AVEN: variants seen among roughly 807,000 people sequenced by gnomAD.
AVEN encodes the protein apoptosis and caspase activation inhibitor.
Under a neutral mutation model 38.1 loss-of-function variants are expected in AVEN, and 41 were observed. The observed-to-expected ratio is 1.08, with a 90% CI of 0.84 to 1.40. AVEN has a LOEUF of 1.40. Ranked by LOEUF, AVEN falls within the 40% of genes most tolerant of loss-of-function variation. The probability of loss-of-function intolerance (pLI) is 0.00; values close to 1 mark genes in which losing one functional copy is unlikely to be tolerated. For synonymous variants in AVEN, 206 were observed against 171.8 expected (o/e 1.20, Z -1.56); for missense variants, 605 against 438.8 (o/e 1.38, Z -3.38).
At position 33,958,499 on chromosome 15, in the gene AVEN, G is replaced by A. The variant is rs185513731; in HGVS notation, c.445+44533C>T. Reference sequence around the variant, plus strand: ...CCAGCTACTCAGGTGGCTGAGGGAGGAGAATCACTTGAACTCAGGAGGCAG... The same window carrying A: ...CCAGCTACTCAGGTGGCTGAGGGAGAAGAATCACTTGAACTCAGGAGGCAG... On this transcript the variant is annotated intron_variant, in intron 2 of 5. Coordinates refer to ENST00000306730, the MANE Select transcript of AVEN (RefSeq NM_020371.3). 1.4e-4 allele frequency among the ~76,000 whole-genome samples: 21 copies of A among 151,348 alleles called. 1 individual carries two copies. Among genetic ancestry groups the A allele is most frequent in the African/African-American group, 3.9e-4 (16 of 41,150 alleles).
downstream of AVEN, among the ~76,000 whole-genome samples, chr15:33,863,664 C>CTA (rs1314359287): frequency 6.6e-6 from 1 of 152,036 alleles, no homozygotes; most frequent in African/African-American, 2.4e-5. Flanking sequence ...GAAAACAAAA[C>CTA]TATAGTTCTG....
chr15:34,053,319 A>AAAAATAT (rs775436850), intron 5 of AVEN, among the ~76,000 whole-genome samples: 89 of 42,024 alleles, frequency 2.1e-3, no homozygotes, highest in Non-Finnish European at 3.3e-3. Context: ...AAAAAAAAAA[A>AAAAATAT]ATATATATAT....
rs533447308 is a variant in AVEN at position 34,024,245 on chromosome 15, C to T, written c.267+14535G>A. Among the ~76,000 whole-genome samples the T allele has an allele frequency of 2.7e-4, 41 of 152,212 alleles. 1 individual carries two copies. The South Asian group carries it at 3.1e-3, about 12-fold the overall frequency. ...GGAGTCAAACAACAAAAAAGGAATA[C>T]TTTATAATGCTATTATAAATACATA... On this transcript the variant is annotated intron_variant, in intron 1 of 5. Coordinates refer to ENST00000306730, the MANE Select transcript of AVEN (RefSeq NM_020371.3).
intron 2 of AVEN, among the ~76,000 whole-genome samples, chr15:33,933,261 C>G (rs138984406): frequency 6.6e-6 from 1 of 152,066 alleles, no homozygotes; most frequent in Non-Finnish European, 1.5e-5. Flanking sequence ...CAGCCCTTGT[C>G]TCTCTCTGTT....
chr15:34,061,475 T>C (rs1900334495), intron 5 of AVEN, among the ~76,000 whole-genome samples: 1 of 152,184 alleles, frequency 6.6e-6, no homozygotes, highest in African/African-American at 2.4e-5. Context: ...AAGGCACCCA[T>C]TTAAAATAAT....
intron 1 of AVEN, among the ~76,000 whole-genome samples, chr15:34,019,768 G>A (rs1335856727): frequency 1.3e-5 from 2 of 152,298 alleles, no homozygotes; most frequent in East Asian, 3.9e-4. Flanking sequence ...TACCGCCTGG[G>A]TGTACAGTAG....
At chr15:33,874,184 C>T (rs1891126862) in intron 3 of AVEN, among the ~76,000 whole-genome samples, 1 of 152,052 alleles carries the variant, frequency 6.6e-6, no homozygotes, top group Non-Finnish European at 1.5e-5. Flanking sequence ...CACTCAAGGG[C>T]TTTTTATTTA....
At chr15:33,992,339 G>A (rs760924175) in intron 2 of AVEN, among the ~76,000 whole-genome samples, 1 of 151,862 alleles carries the variant, frequency 6.6e-6, no homozygotes. Flanking sequence ...GCAGTGAGCC[G>A]AGATTGCGCC....
chr15:33,860,101 G>A (rs1468693533), intron 11 of AVEN, among the ~76,000 whole-genome samples: 2 of 151,392 alleles, frequency 1.3e-5, no homozygotes, highest in African/African-American at 4.8e-5. Flanking sequence ...CAGGGGAGGG[G>A]AGGGAAAGAA....
intron 2 of AVEN, among the ~76,000 whole-genome samples, chr15:33,904,981 T>G (rs1187851199): frequency 6.6e-6 from 1 of 151,488 alleles, no homozygotes; most frequent in East Asian, 2.0e-4. Context: ...AATACAAAAA[T>G]TGGCCGGGTG....
At chr15:34,042,668 G>T (rs999784077), upstream of AVEN, among the ~76,000 whole-genome samples, 1 of 151,920 alleles carries the variant, frequency 6.6e-6, no homozygotes, top group Non-Finnish European at 1.5e-5. Flanking sequence ...CTCCCAAAGT[G>T]CTGGGATTAC....
intron 2 of AVEN, among the ~76,000 whole-genome samples, chr15:33,921,539 T>A: frequency 6.6e-6 from 1 of 152,180 alleles, no homozygotes; most frequent in East Asian, 1.9e-4. Context: ...CAAAGAGGAT[T>A]CTTCAAGAAA....
At chr15:33,934,096 C>T (rs1000248309) in intron 2 of AVEN, among the ~76,000 whole-genome samples, 1 of 151,928 alleles carries the variant, frequency 6.6e-6, no homozygotes, top group Admixed American at 6.6e-5. Flanking sequence ...TCTTCAGGAC[C>T]AGGTGTGGTG....
At chr15:34,010,589 A>G (rs370957143) in intron 1 of AVEN, among the ~76,000 whole-genome samples, 1 of 148,704 alleles carries the variant, frequency 6.7e-6, no homozygotes, top group Admixed American at 6.7e-5. Context: ...CATTCACACC[A>G]TTTTTCACCC....
At chr15:33,972,810 A>G (rs1895699031) in intron 2 of AVEN, among the ~76,000 whole-genome samples, 1 of 152,186 alleles carries the variant, frequency 6.6e-6, no homozygotes, top group African/African-American at 2.4e-5. Context: ...GATTAGTGGC[A>G]ATACCCTGAT....
intron 2 of AVEN, among the ~76,000 whole-genome samples, chr15:33,888,837 G>A (rs1567397539): frequency 6.6e-6 from 1 of 151,948 alleles, no homozygotes. Flanking sequence ...TACAACCTCC[G>A]ACTCCCTGGT....
intron 2 of AVEN, among the ~76,000 whole-genome samples, chr15:33,992,389 C>A (rs1223639554): frequency 6.1e-5 from 9 of 147,610 alleles, no homozygotes; most frequent in Non-Finnish European, 7.5e-5. Flanking sequence ...GACTCCGTCT[C>A]AAAAAAAAAG....
In AVEN at chr15:33,901,366, C is replaced by T. The variant is rs542940091; in HGVS notation, c.446-25371G>A. Among the ~76,000 whole-genome samples the T allele has an allele frequency of 1.2e-4, 19 of 152,268 alleles. No homozygotes were observed. The South Asian group carries it at 2.9e-3, about 23-fold the overall frequency. On this transcript the variant is annotated intron_variant, in intron 2 of 5. Coordinates refer to ENST00000306730, the MANE Select transcript of AVEN (RefSeq NM_020371.3). ...TAGAAGTCCACATACAATGAAATACCGACACGTGCATACACACGCACACAC... is the reference window on the plus strand; with the variant it reads ...TAGAAGTCCACATACAATGAAATACTGACACGTGCATACACACGCACACAC...
At chr15:34,033,811 T>C (rs2140772828) in intron 1 of AVEN, among the ~76,000 whole-genome samples, 1 of 152,282 alleles carries the variant, frequency 6.6e-6, no homozygotes, top group Admixed American at 6.5e-5. Flanking sequence ...TGTTTTGAGA[T>C]GGAGTCTCAT....
Sources: allele counts gnomAD v4.1 joint callset (sites outside exome capture counted in the v4.1 genomes callset), GRCh38; gene constraint gnomAD v4.1.1; transcripts MANE v1.5; gene names NCBI Gene and HGNC (gene_info 2026-07-23, HGNC 2026-07-21).